FGF14: variants seen among roughly 807,000 people sequenced by gnomAD.
FGF14 encodes the protein fibroblast growth factor homologous factor 4.
Under a neutral mutation model 25.5 loss-of-function variants are expected in FGF14, and 5 were observed. The observed-to-expected ratio is 0.20, with a 90% CI of 0.10 to 0.41. The LOEUF is 0.41. FGF14 is among the 10% of genes least tolerant of loss of function. The probability of loss-of-function intolerance (pLI) is 1.00; values close to 1 mark genes in which losing one functional copy is unlikely to be tolerated. For synonymous variants in FGF14, 138 were observed against 118.3 expected, an observed-to-expected ratio of 1.17 and a Z score of -1.08; for missense variants, 222 against 320.1, an observed-to-expected ratio of 0.69 and a Z score of 2.34.
intron 3 of FGF14, among the ~76,000 whole-genome samples, chr13:101,853,708 G>T (rs967159099): frequency 7.2e-5 from 11 of 151,782 alleles, no homozygotes; most frequent in African/African-American, 2.2e-4. Context: ...CTCCTGCCTC[G>T]GCCTCCCAAA....
chr13:101,865,906 G>A (rs918049862), intron 3 of FGF14, among the ~76,000 whole-genome samples: 5 of 152,042 alleles, frequency 3.3e-5, no homozygotes, highest in African/African-American at 1.2e-4. Flanking sequence ...TAGAATGGAT[G>A]ACTTCATTTG....
intron 1 of FGF14, among the ~76,000 whole-genome samples, chr13:102,228,491 C>T (rs1251548289): frequency 6.6e-6 from 1 of 152,094 alleles, no homozygotes; most frequent in Non-Finnish European, 1.5e-5. Context: ...TACTTAATAT[C>T]CTTTTCCTTG....
intron 1 of FGF14, among the ~76,000 whole-genome samples, chr13:101,960,271 A>G (rs1262426684): frequency 4.6e-5 from 7 of 152,162 alleles, no homozygotes; most frequent in Non-Finnish European, 7.4e-5. Context: ...AACATGTCCT[A>G]TGGTGGTTTG....
chr13:102,233,648 C>T (rs561363674), intron 1 of FGF14, among the ~76,000 whole-genome samples: 10 of 152,222 alleles, frequency 6.6e-5, no homozygotes, highest in Non-Finnish European at 1.0e-4. Context: ...AGATGAAACA[C>T]GTGACTCCCC....
intron 1 of FGF14, among the ~76,000 whole-genome samples, chr13:102,060,877 C>A (rs1054704203): frequency 3.3e-5 from 5 of 152,088 alleles, no homozygotes; most frequent in Non-Finnish European, 7.4e-5. Flanking sequence ...TCTAAAAAAA[C>A]CCAAGACCCT....
At position 101,787,206 on chromosome 13, in the gene FGF14, T is replaced by A. The variant is rs147248676; in HGVS notation, c.409-60396A>T. Among the ~76,000 whole-genome samples, 443 of 152,262 alleles carry A rather than the reference T, an allele frequency of 2.9e-3. 6 individuals carry two copies. The highest frequency in any genetic ancestry group is 9.1e-4 in the Non-Finnish European group (62 of 68,026). On this transcript the variant is annotated intron_variant, in intron 3 of 4. Transcript: ENST00000376143. ...CTTCAACACACTGTCCAAGAGTATA[T>A]CATAAAGCTAAGCCAATAATACTTT... is the stretch of plus-strand genomic sequence containing the variant.
chr13:101,881,081 G>T (rs1566368570), intron 1 of FGF14, among the ~76,000 whole-genome samples: 1 of 152,164 alleles, frequency 6.6e-6, no homozygotes, highest in African/African-American at 2.4e-5. Flanking sequence ...TGTTTGAAGA[G>T]ATCATTAAAG....
chr13:101,941,977 C>A (rs1228784157), intron 1 of FGF14, among the ~76,000 whole-genome samples: 1 of 152,096 alleles, frequency 6.6e-6, no homozygotes, highest in African/African-American at 2.4e-5. Context: ...ATATTTTAAA[C>A]CTCAACTATC....
intron 1 of FGF14, among the ~76,000 whole-genome samples, chr13:101,968,135 T>G (rs1190682680): frequency 2.0e-5 from 3 of 152,222 alleles, no homozygotes; most frequent in Non-Finnish European, 4.4e-5. Flanking sequence ...CAACCTCTGT[T>G]ACTCAAATGA....
At chr13:102,180,853 C>T (rs543234209) in intron 1 of FGF14, among the ~76,000 whole-genome samples, 2 of 152,088 alleles carry the variant, frequency 1.3e-5, no homozygotes, top group Admixed American at 1.3e-4. Context: ...ATCTGGCAAA[C>T]CTTGTTCACA....
At chr13:101,808,412 T>C (rs1038335711) in intron 3 of FGF14, among the ~76,000 whole-genome samples, 3 of 152,154 alleles carry the variant, frequency 2.0e-5, no homozygotes, top group Non-Finnish European at 4.4e-5. Context: ...CATTAATTAA[T>C]TTCAATCTAA....
At chr13:102,063,553 T>G (rs2042775171) in intron 1 of FGF14, among the ~76,000 whole-genome samples, 1 of 151,804 alleles carries the variant, frequency 6.6e-6, no homozygotes, top group African/African-American at 2.4e-5. Flanking sequence ...GAGGCAGAGG[T>G]TGCAGTGAGC....
At position 101,721,737 on chromosome 13, in the gene FGF14, A is replaced by G. The variant is rs551683892; in HGVS notation, c.*1094T>C. 4 of 152,254 alleles carry G rather than the reference A, an allele frequency of 2.6e-5. No homozygotes were observed. The South Asian group carries it at 8.3e-4, about 32-fold the overall frequency. 9.4% of individuals were successfully genotyped at this position (152,254 alleles called of 1,614,324 possible). A position where few individuals can be genotyped will look rare whatever the true frequency, so the allele number is the denominator to read the frequency against. ...CCGTCTTGCCCATGCTCTGCTGAGTATGAGGGGAACGCAGCCAGAAACGGG... is the reference window on the plus strand; with the variant it reads ...CCGTCTTGCCCATGCTCTGCTGAGTGTGAGGGGAACGCAGCCAGAAACGGG... On this transcript the variant is annotated 3_prime_UTR_variant, in exon 5 of 5. Coordinates refer to ENST00000376143, the MANE Select transcript of FGF14 (RefSeq NM_004115.4).
At chr13:101,723,268 AAC>A (rs36111495) in intron 4 of FGF14, among the ~76,000 whole-genome samples, 148 of 150,114 alleles carry the variant, frequency 9.9e-4, no homozygotes, top group African/African-American at 3.0e-3. Flanking sequence ...CATGATGTAA[AAC>A]ACACACACAC....
At chr13:102,282,642 T>C (rs931342896) in intron 1 of FGF14, among the ~76,000 whole-genome samples, 3 of 152,150 alleles carry the variant, frequency 2.0e-5, no homozygotes, top group African/African-American at 7.2e-5. Flanking sequence ...AAAGCTGCAG[T>C]TCTCAAAATC....
intron 1 of FGF14, among the ~76,000 whole-genome samples, chr13:102,337,419 G>T (rs922914052): frequency 1.3e-5 from 2 of 152,130 alleles, no homozygotes; most frequent in African/African-American, 4.8e-5. Context: ...GATAAAACTT[G>T]AACAAATGAG....
chr13:102,171,593 A>G (rs1449535499), intron 1 of FGF14, among the ~76,000 whole-genome samples: 2 of 152,152 alleles, frequency 1.3e-5, no homozygotes, highest in African/African-American at 2.4e-5. Context: ...TCTCACTTAA[A>G]TCTTCTGGAA....
intron 1 of FGF14, among the ~76,000 whole-genome samples, chr13:102,340,014 G>A (rs1364660876): frequency 1.3e-5 from 2 of 152,220 alleles, no homozygotes; most frequent in Non-Finnish European, 2.9e-5. Context: ...GAGCCTACTA[G>A]TGTTTGGATA....
intron 1 of FGF14, among the ~76,000 whole-genome samples, chr13:102,080,364 C>T (rs926736473): frequency 9.9e-5 from 15 of 152,224 alleles, no homozygotes; most frequent in Admixed American, 3.3e-4. Context: ...GTGCCGGCGA[C>T]GTCAAGGATG....
Sources: allele counts gnomAD v4.1 joint callset (sites outside exome capture counted in the v4.1 genomes callset), GRCh38; gene constraint gnomAD v4.1.1; transcripts MANE v1.5; gene names NCBI Gene and HGNC (gene_info 2026-07-23, HGNC 2026-07-21).